Variants in ZNF428 observed in about 807,000 individuals in gnomAD.
The protein encoded by ZNF428 is enzyme-like protein PIT13.
In ZNF428, 5 loss-of-function variants were observed where a neutral mutation model predicts 15.6. The ratio of observed to expected loss-of-function variants is 0.32; its 90% CI spans 0.17 to 0.67. The LOEUF (loss-of-function observed/expected upper bound fraction) is 0.67. Among genes scored for constraint, ZNF428 ranks in the 30% least tolerant of loss-of-function variants. The probability of loss-of-function intolerance (pLI) is 0.73; values close to 1 mark genes in which losing one functional copy is unlikely to be tolerated. For synonymous variants in ZNF428, 97 were observed against 102.2 expected (o/e 0.95, Z 0.31); for missense variants, 237 against 256.0 (o/e 0.93, Z 0.51).
Position 43,607,691 on chromosome 19 carries a change from C to T in ZNF428, c.493G>A (p.Glu165Lys). The change falls in exon 3 of 3, where the codon GAA becomes AAA. Residue 165 changes from glutamate (E) to lysine (K), a missense_variant. Transcript: ENST00000300811. This position sits in a 1 kb window ranked among gnomAD's most constrained non-coding sequence, Gnocchi z 5.1. ...AGGTTGTCGAAGGAATCCTCACATT[C>T]CGTACAGTGGTAGGTTCCCTCCTCC... Reference protein sequence around the residue: ...EEEEGTYHCTECEDSFDNLGE... With the variant: ...EEEEGTYHCTKCEDSFDNLGE... 6.2e-7 allele frequency: 1 copy of T among 1,613,798 alleles called. No homozygotes were observed. The highest frequency in any genetic ancestry group is 8.5e-7 in the Non-Finnish European group (1 of 1,179,840).
At chr19:43,613,422 C>T (rs1033262149) in intron 2 of ZNF428, 11 of 1,523,090 alleles carry the variant, frequency 7.2e-6, no homozygotes, top group South Asian at 2.4e-5. Flanking sequence ...CCCAACAAGG[C>T]GAGAGATTGC....
rs1189690037 is a variant in ZNF428, at chr19:43,613,702, C to G, written c.76+527G>C. 7 of 1,551,566 alleles carry G rather than the reference C, an allele frequency of 4.5e-6. No homozygotes were observed. In the South Asian group the frequency reaches 7.1e-5, roughly 16 times the overall value. On this transcript the variant is annotated intron_variant, in intron 2 of 2. Coordinates refer to ENST00000300811, the MANE Select transcript of ZNF428 (RefSeq NM_182498.4). ...GAGATCACAGACGATCTAGAAGCCCCAGCAAGGAGAGACAGCGCAGACAAT... is the reference window on the plus strand; with the variant it reads ...GAGATCACAGACGATCTAGAAGCCCGAGCAAGGAGAGACAGCGCAGACAAT...
rs555195261 is a variant in ZNF428, at chr19:43,612,428, G to A, written c.76+1801C>T. The A allele has an allele frequency of 1.3e-6, 2 of 1,551,040 alleles. No homozygotes were observed. The highest frequency in any genetic ancestry group is 1.7e-6 in the Non-Finnish European group (2 of 1,146,800). ...GAGCACCGACACCAGGACCAGCAAA[G>A]CCAGCAAGGCCAGCGACGTGAGATG... On this transcript the variant is annotated intron_variant, in intron 2 of 2. Transcript: ENST00000300811. The surrounding 1 kb of genome is among the most constrained non-coding windows in gnomAD (Gnocchi z 4.2).
chr19:43,612,445 C>T lies in ZNF428; in HGVS notation c.76+1784G>A, dbSNP rs1245827846. On this transcript the variant is annotated intron_variant, in intron 2 of 2. Coordinates refer to ENST00000300811, the MANE Select transcript of ZNF428 (RefSeq NM_182498.4). The surrounding 1 kb of genome is among the most constrained non-coding windows in gnomAD (Gnocchi z 4.2). ...CCAGCAAAGCCAGCAAGGCCAGCGACGTGAGATGCCACCAGCGGAGGGGCA... is the reference window on the plus strand; with the variant it reads ...CCAGCAAAGCCAGCAAGGCCAGCGATGTGAGATGCCACCAGCGGAGGGGCA... 4.5e-6 allele frequency: 7 copies of T among 1,551,436 alleles called. No homozygotes were observed. In the Admixed American group the frequency reaches 5.9e-5, roughly 13 times the overall value.
At chr19:43,618,565 ACTTT>A (rs1973397375) in intron 1 of ZNF428, among the ~76,000 whole-genome samples, 1 of 91,670 alleles carries the variant, frequency 1.1e-5, no homozygotes, top group African/African-American at 4.6e-5. Flanking sequence ...CTTAATTTTT[ACTTT>A]TTTTTTTTTT....
At chr19:43,614,475 AT>A (rs1372069211) in intron 1 of ZNF428, 41 bp from the exon 2 acceptor site, 4 of 1,424,116 alleles carry the variant, frequency 2.8e-6, no homozygotes, top group Non-Finnish European at 3.7e-6. Context: ...GATTCAATAA[AT>A]TTTTACATAG....
chr19:43,613,108 C>T (rs1190213524), intron 2 of ZNF428: 2 of 1,551,630 alleles, frequency 1.3e-6, no homozygotes, highest in African/African-American at 2.7e-5. Context: ...TGGGAAGACA[C>T]AGCCAGTCTA....
chr19:43,614,857 C>A (rs1247801875), intron 1 of ZNF428, among the ~76,000 whole-genome samples: 1 of 152,212 alleles, frequency 6.6e-6, no homozygotes, highest in East Asian at 1.9e-4. Context: ...CTCAACCTCG[C>A]AAAGTGCTGG....
chr19:43,610,554 T>C (rs1312195917), intron 2 of ZNF428, among the ~76,000 whole-genome samples: 1 of 151,160 alleles, frequency 6.6e-6, no homozygotes, highest in Non-Finnish European at 1.5e-5. Context: ...TGTGTTTGTT[T>C]ACTGCCTGTC....
rs1327223976 is a variant in ZNF428, at chr19:43,613,682, C to G, written c.76+547G>C. On this transcript the variant is annotated intron_variant, in intron 2 of 2. Coordinates refer to ENST00000300811, the MANE Select transcript of ZNF428 (RefSeq NM_182498.4). ...TAGAAGCTCCAGCAAAGAGAGAGAT[C>G]ACAGACGATCTAGAAGCCCCAGCAA... The G allele has an allele frequency of 6.4e-6, 10 of 1,551,452 alleles. No homozygotes were observed. The highest frequency in any genetic ancestry group is 2.7e-5 in the African/African-American group (2 of 72,996).
chr19:43,614,160 C>T lies in ZNF428; in HGVS notation c.76+69G>A, dbSNP rs772836243. ...AGCAGCCACTCCCCATCAACATTTC[C>T]CAGTGGGGGCCAAACCCTAAGCCAG... On this transcript the variant is annotated intron_variant, in intron 2 of 2. Transcript: ENST00000300811. 6.2e-7 allele frequency: 1 copy of T among 1,613,978 alleles called. No individual in the cohort carries two copies. The highest frequency in any genetic ancestry group is 1.7e-5 in the Admixed American group (1 of 59,992).
In ZNF428 at chr19:43,612,819, A is replaced by G. The variant is rs1458727659; in HGVS notation, c.76+1410T>C. 5.8e-6 allele frequency: 9 copies of G among 1,551,610 alleles called. No homozygotes were observed. The highest frequency in any genetic ancestry group is 7.8e-6 in the Non-Finnish European group (9 of 1,146,958). On this transcript the variant is annotated intron_variant, in intron 2 of 2. Transcript: ENST00000300811. The surrounding 1 kb of genome is among the most constrained non-coding windows in gnomAD (Gnocchi z 4.2). ...ATTCCCTCCAAGGAGAAGAGTGACA[A>G]CCCATCTCCATCCTCATCAAGGAAG...
intron 2 of ZNF428, chr19:43,613,940 C>A: frequency 6.4e-7 from 1 of 1,551,654 alleles, no homozygotes; most frequent in Non-Finnish European, 8.7e-7. Flanking sequence ...TGGTTACAGT[C>A]GACCTAGAGC....
chr19:43,614,479 T>C (rs1039925855), intron 1 of ZNF428, 45 bp from the exon 2 acceptor site: 1 of 1,424,782 alleles, frequency 7.0e-7, no homozygotes, highest in African/African-American at 1.4e-5. Context: ...CAATAAATTT[T>C]TACATAGCAC....
chr19:43,607,773 TTCC>T lies in ZNF428; in HGVS notation c.408_410del (p.Glu137del). ...GTCGGCCCTCCCCAGCCCGAGGTGGTTCCTCCTCTTCCTCCCCGAGGGCCCTGC... is the reference window on the plus strand; with the variant it reads ...GTCGGCCCTCCCCAGCCCGAGGTGGTTCCTCTTCCTCCCCGAGGGCCCTGC... On this transcript the variant is annotated inframe_deletion, in exon 3 of 3. Coordinates refer to ENST00000300811, the MANE Select transcript of ZNF428 (RefSeq NM_182498.4). This position sits in a 1 kb window ranked among gnomAD's most constrained non-coding sequence, Gnocchi z 5.1. 2 of 1,598,520 alleles carry T rather than the reference TTCC, an allele frequency of 1.3e-6. No homozygotes were observed. The highest frequency in any genetic ancestry group is 1.7e-6 in the Non-Finnish European group (2 of 1,172,656).
intron 2 of ZNF428, among the ~76,000 whole-genome samples, chr19:43,610,532 A>G (rs1457124825): frequency 6.6e-6 from 1 of 151,874 alleles, no homozygotes; most frequent in Non-Finnish European, 1.5e-5. Context: ...CACTGCATTC[A>G]ACATTTACTT....
Position 43,607,884 on chromosome 19 carries a change from G to C in ZNF428, c.300C>G (p.Pro100=), listed in dbSNP as rs748461515. Residue 100 remains proline, a synonymous_variant, in exon 3 of 3, where the codon CCC becomes CCG. Coordinates refer to ENST00000300811, the MANE Select transcript of ZNF428 (RefSeq NM_182498.4). The surrounding 1 kb of genome is among the most constrained non-coding windows in gnomAD (Gnocchi z 5.1). The part of the protein sequence containing the change: ...AQPCQLCGRS[P]LGEAPPGTPP... ...GGGTTCCCGGTGGGGCCTCCCCAAG[G>C]GGTGAGCGGCCACAGAGCTGGCAAG... 1.5e-4 allele frequency: 230 copies of C among 1,559,308 alleles called. No individual in the cohort carries two copies. The highest frequency in any genetic ancestry group is 1.9e-4 in the Non-Finnish European group (219 of 1,151,670).
Position 43,612,774 on chromosome 19 carries a change from A to C in ZNF428, c.76+1455T>G, listed in dbSNP as rs933817562. On this transcript the variant is annotated intron_variant, in intron 2 of 2. Coordinates refer to ENST00000300811, the MANE Select transcript of ZNF428 (RefSeq NM_182498.4). This position sits in a 1 kb window ranked among gnomAD's most constrained non-coding sequence, Gnocchi z 4.2. ...CTGGCTGTAACTCCCAGTACAGCCA[A>C]GTGTCAAACCCCGACTGGAATTCCC... 6.4e-7 allele frequency: 1 copy of C among 1,551,644 alleles called. No individual in the cohort carries two copies. The highest frequency in any genetic ancestry group is 8.7e-7 in the Non-Finnish European group (1 of 1,146,984).
chr19:43,615,706 A>T (rs1027339462), intron 1 of ZNF428, among the ~76,000 whole-genome samples: 7 of 151,982 alleles, frequency 4.6e-5, no homozygotes, highest in Non-Finnish European at 7.4e-5. Flanking sequence ...CAAAAAAAAA[A>T]TTTTTGCTGG....
Sources: allele counts gnomAD v4.1 joint callset (sites outside exome capture counted in the v4.1 genomes callset), GRCh38; gene constraint gnomAD v4.1.1; non-coding constraint Gnocchi (gnomAD v3.1); transcripts MANE v1.5; gene names NCBI Gene and HGNC (gene_info 2026-07-23, HGNC 2026-07-21).